The following MRC1 variants were observed in gnomAD, a reference collection of about 807,000 sequenced individuals.
MRC1 encodes macrophage mannose receptor 1.
A neutral mutation model predicts 102.9 loss-of-function variants in MRC1; 62 were observed. That is an observed-to-expected ratio of 0.60 (90% CI 0.49 to 0.74). The LOEUF (loss-of-function observed/expected upper bound fraction) is 0.74. Among genes scored for constraint, MRC1 ranks in the 30% least tolerant of loss-of-function variants. The probability of loss-of-function intolerance (pLI) is 0.00; values close to 1 mark genes in which losing one functional copy is unlikely to be tolerated. For missense variants in MRC1, 1,237 were observed against 862.8 expected (o/e 1.43, Z -5.43); for synonymous variants, 457 against 298.4 (o/e 1.53, Z -5.48).
intron 26 of MRC1, among the ~76,000 whole-genome samples, chr10:17,904,075 G>A (rs1437737781): frequency 6.6e-6 from 1 of 152,150 alleles, no homozygotes; most frequent in Non-Finnish European, 1.5e-5. Flanking sequence ...GTTATTGGCA[G>A]ACAAAAACAA....
chr10:17,845,525 C>T (rs1225584173), intron 6 of MRC1, 90 bp downstream of exon 6: 2 of 763,282 alleles, frequency 2.6e-6, no homozygotes, highest in Non-Finnish European at 4.9e-6. Flanking sequence ...TGGAATGCCG[C>T]CAGAGGTTTT....
intron 1 of MRC1, among the ~76,000 whole-genome samples, chr10:17,816,823 A>T (rs1358875736): frequency 6.6e-6 from 1 of 152,234 alleles, no homozygotes; most frequent in Non-Finnish European, 1.5e-5. Flanking sequence ...AAATCTAAAA[A>T]TGTATAAGAA....
rs970799233 is a variant in MRC1, at chr10:17,866,697, C to T, written c.1919C>T (p.Thr640Met). The T allele has an allele frequency of 4.9e-5, 38 of 780,694 alleles. No homozygotes were observed. The highest frequency in any genetic ancestry group is 8.5e-5 in the Admixed American group (5 of 59,012). 48.4% of individuals were successfully genotyped at this position (780,694 alleles called of 1,614,324 possible). A position where few individuals can be genotyped will look rare whatever the true frequency, so the allele number is the denominator to read the frequency against. ...GTAACCCACCCACCGAAGCCCACGACGACTCCCGAACCCAAATGTCCGGAG... is the reference window on the plus strand; with the variant it reads ...GTAACCCACCCACCGAAGCCCACGATGACTCCCGAACCCAAATGTCCGGAG... ...EGVTHPPKPT[T>M]TPEPKCPEDW... Residue 640 changes from threonine to methionine, a missense_variant, in exon 12 of 30, where the codon ACG becomes ATG. By Grantham distance (81) the Thr-to-Met change is moderately conservative. Transcript: ENST00000569591.
chr10:17,875,465 C>T (rs1185428198), intron 17 of MRC1, among the ~76,000 whole-genome samples: 12 of 152,158 alleles, frequency 7.9e-5, no homozygotes, highest in Admixed American at 7.9e-4. Context: ...CATTCTTATG[C>T]CTTTGCATCC....
intron 6 of MRC1, among the ~76,000 whole-genome samples, chr10:17,847,076 G>A (rs1442474452): frequency 6.6e-6 from 1 of 152,182 alleles, no homozygotes; most frequent in Non-Finnish European, 1.5e-5. Context: ...GCTCTCCATA[G>A]TGACGGTGGG....
At chr10:17,891,797 A>G (rs1018580678) in intron 22 of MRC1, among the ~76,000 whole-genome samples, 5 of 152,160 alleles carry the variant, frequency 3.3e-5, no homozygotes, top group Admixed American at 3.3e-4. Flanking sequence ...GTTCTCCTAA[A>G]GACTTCTGAA....
intron 12 of MRC1, among the ~76,000 whole-genome samples, chr10:17,869,828 A>T (rs987715246): frequency 1.3e-5 from 2 of 152,188 alleles, no homozygotes; most frequent in African/African-American, 2.4e-5. Flanking sequence ...ACAATTTTAG[A>T]AAAGTTATTT....
chr10:17,848,390 G>A (rs1003614910), intron 6 of MRC1, among the ~76,000 whole-genome samples: 1 of 151,960 alleles, frequency 6.6e-6, no homozygotes, highest in Non-Finnish European at 1.5e-5. Flanking sequence ...TATGTACCAG[G>A]CCCTGTGCCA....
intron 4 of MRC1, among the ~76,000 whole-genome samples, chr10:17,839,969 G>A (rs2130624311): frequency 6.6e-6 from 1 of 151,386 alleles, no homozygotes; most frequent in Non-Finnish European, 1.5e-5. Flanking sequence ...GAGAGGCTGA[G>A]GCAGGAGAAT....
chr10:17,830,898 A>T lies in MRC1; in HGVS notation c.638-2777A>T, dbSNP rs539506734. ...CACATTTTCTACTATATATATATAT[A>T]TATTTTTGGAGACAGAGTCTTGCTC... On this transcript the variant is annotated intron_variant, in intron 3 of 29. Coordinates refer to ENST00000569591, the MANE Select transcript of MRC1 (RefSeq NM_002438.4). Among the ~76,000 whole-genome samples, 347 of 150,548 alleles carry T rather than the reference A, an allele frequency of 2.3e-3. 2 individuals carry two copies. Among genetic ancestry groups the T allele is most frequent in the South Asian group, 0.012 (56 of 4,802 alleles).
chr10:17,874,975 T>G, intron 16 of MRC1, 115 bp from the exon 17 acceptor site: 1 of 752,386 alleles, frequency 1.3e-6, no homozygotes, highest in Non-Finnish European at 2.5e-6. Context: ...TCTCTCAGAG[T>G]TGCAGATGCC....
chr10:17,864,827 C>CA (rs34931364), intron 11 of MRC1, among the ~76,000 whole-genome samples: 3,329 of 80,458 alleles, frequency 0.041, 83 homozygotes, highest in East Asian at 0.14. Context: ...AAAACTCCAT[C>CA]AAAAAAAAAA....
intron 1 of MRC1, among the ~76,000 whole-genome samples, chr10:17,814,496 C>G (rs1264248292): frequency 6.6e-6 from 1 of 151,966 alleles, no homozygotes; most frequent in African/African-American, 2.4e-5. Flanking sequence ...ATTATTGTCC[C>G]CATTTTACAG....
chr10:17,891,294 G>A (rs1833671635), intron 22 of MRC1, among the ~76,000 whole-genome samples: 1 of 151,674 alleles, frequency 6.6e-6, no homozygotes, highest in Non-Finnish European at 1.5e-5. Flanking sequence ...ATCCTCCCGA[G>A]TAGCTGGGAC....
At chr10:17,861,549 A>C in intron 10 of MRC1, 47 bp downstream of exon 10, 1 of 826,466 alleles carries the variant, frequency 1.2e-6, no homozygotes, top group Admixed American at 1.7e-5. Context: ...AAATAGAAAA[A>C]AGTTTCAGAA....
At chr10:17,884,441 C>T (rs1478412738) in intron 21 of MRC1, among the ~76,000 whole-genome samples, 6 of 152,184 alleles carry the variant, frequency 3.9e-5, no homozygotes, top group African/African-American at 1.4e-4. Context: ...TTAGTCTGTT[C>T]TCACACTACT....
chr10:17,829,410 C>T (rs1338434290), intron 3 of MRC1, among the ~76,000 whole-genome samples: 2 of 151,358 alleles, frequency 1.3e-5, no homozygotes, highest in African/African-American at 4.9e-5. Context: ...CTTCAGAGTG[C>T]AGTCTCTCCA....
chr10:17,899,901 C>G (rs2130716337), intron 24 of MRC1, among the ~76,000 whole-genome samples: 1 of 151,982 alleles, frequency 6.6e-6, no homozygotes, highest in East Asian at 1.9e-4. Flanking sequence ...GAGTTCAAGA[C>G]CAGCCTGGCA....
chr10:17,821,250 A>C (rs1554838257), intron 1 of MRC1, among the ~76,000 whole-genome samples: 1 of 152,176 alleles, frequency 6.6e-6, no homozygotes, highest in South Asian at 2.1e-4. Context: ...ACTCACTCTA[A>C]GTAAGACAGC....
Sources: gnomAD v4.1 joint callset for allele counts (sites outside exome capture counted in the v4.1 genomes callset) on GRCh38, gnomAD v4.1.1 for gene constraint, MANE v1.5 for transcripts, NCBI Gene and HGNC (gene_info 2026-07-23, HGNC 2026-07-21) for gene names.